Variants in RNF214 observed in about 807,000 individuals in gnomAD.
RNF214 encodes the protein ring finger protein 214.
In RNF214, 25 loss-of-function variants were observed where a neutral mutation model predicts 75.9. That is an observed-to-expected ratio of 0.33 (90% CI 0.24 to 0.46). The LOEUF is 0.46. RNF214 is among the 20% of genes least tolerant of loss of function. The pLI, the probability that RNF214 is intolerant of heterozygous loss-of-function variation, is 1.00. For synonymous variants in RNF214, 314 were observed against 308.8 expected (o/e 1.02, Z -0.18); for missense variants, 725 against 857.5 (o/e 0.85, Z 1.93).
In RNF214 at chr11:117,281,879, T is replaced by C; in HGVS notation, c.1336-15T>C. The C allele has an allele frequency of 6.2e-7, 1 of 1,610,292 alleles. No individual in the cohort carries two copies. Among genetic ancestry groups the C allele is most frequent in the Non-Finnish European group, 8.5e-7 (1 of 1,177,548 alleles). On this transcript the variant is annotated splice_polypyrimidine_tract_variant and intron_variant, in intron 10 of 14. Coordinates refer to ENST00000300650, the MANE Select transcript of RNF214 (RefSeq NM_207343.4). ...CTTCCTTTCTCTCTCGTCCTCTACC[T>C]CTTCTCCTCTGCAGACAGACTTCAT...
intron 6 of RNF214, among the ~76,000 whole-genome samples, chr11:117,258,975 G>A (rs576333715): frequency 6.6e-6 from 1 of 152,102 alleles, no homozygotes; most frequent in Admixed American, 6.5e-5. Flanking sequence ...ATTTATTTTT[G>A]AGAATGAGTT....
intron 6 of RNF214, among the ~76,000 whole-genome samples, chr11:117,274,353 CTTCT>C (rs1291441814): frequency 1.1e-5 from 1 of 89,574 alleles, no homozygotes; most frequent in Non-Finnish European, 2.0e-5. Context: ...AAACAAATGA[CTTCT>C]TTTTTTTTTT....
intron 6 of RNF214, among the ~76,000 whole-genome samples, chr11:117,251,020 A>G (rs1484532673): frequency 6.7e-6 from 1 of 148,790 alleles, no homozygotes; most frequent in Non-Finnish European, 1.5e-5. Flanking sequence ...ACCTCTTTCT[A>G]CACAGACACG....
At chr11:117,281,239 G>T in intron 8 of RNF214, 75 bp from the exon 9 acceptor site, 1 of 1,025,640 alleles carries the variant, frequency 9.8e-7, no homozygotes, top group South Asian at 1.3e-5. Flanking sequence ...CTCTTGTGCT[G>T]GGATTACAGG....
intron 4 of RNF214, 64 bp from the exon 5 acceptor site, chr11:117,244,381 G>C: frequency 1.4e-6 from 2 of 1,402,024 alleles, no homozygotes; most frequent in Non-Finnish European, 2.0e-6. Flanking sequence ...CCTTGGACAG[G>C]CACTGGTGAA....
At chr11:117,262,046 G>GTT (rs543215677) in intron 6 of RNF214, among the ~76,000 whole-genome samples, 1 of 138,422 alleles carries the variant, frequency 7.2e-6, no homozygotes, top group Non-Finnish European at 1.6e-5. Context: ...ATTTGTGTCT[G>GTT]TTTTTTTTTT....
intron 1 of RNF214, among the ~76,000 whole-genome samples, chr11:117,233,368 T>G (rs974227740): frequency 6.6e-6 from 1 of 152,158 alleles, no homozygotes; most frequent in African/African-American, 2.4e-5. Flanking sequence ...GGGCTGTGAC[T>G]GAGGTGTTGA....
intron 6 of RNF214, among the ~76,000 whole-genome samples, chr11:117,262,916 C>T (rs2033700643): frequency 6.6e-6 from 1 of 152,054 alleles, no homozygotes; most frequent in Non-Finnish European, 1.5e-5. Flanking sequence ...ACACAATTCT[C>T]CCACCTCAGC....
chr11:117,252,810 T>A (rs1039746265), intron 6 of RNF214, among the ~76,000 whole-genome samples: 2 of 152,156 alleles, frequency 1.3e-5, no homozygotes, highest in Non-Finnish European at 2.9e-5. Context: ...ATGAGCCGCC[T>A]CACCTGGCCT....
chr11:117,260,096 C>T (rs777362330), intron 6 of RNF214, among the ~76,000 whole-genome samples: 1 of 151,496 alleles, frequency 6.6e-6, no homozygotes, highest in Non-Finnish European at 1.5e-5. Flanking sequence ...TTTTTCTCCC[C>T]CTGGGAGGCA....
Position 117,282,768 on chromosome 11 carries a change from T to C in RNF214, c.1868T>C (p.Leu623Ser), listed in dbSNP as rs377098061. 5 of 1,614,066 alleles carry C rather than the reference T, an allele frequency of 3.1e-6. No homozygotes were observed. The highest frequency in any genetic ancestry group is 2.7e-5 in the African/African-American group (2 of 74,926). Reference sequence around the variant, plus strand: ...CAGCCACTTGGTCGCATCCGGGCCTTGTTCCCTGCTCCACTGGCCCAAATC... The same window carrying C: ...CAGCCACTTGGTCGCATCCGGGCCTCGTTCCCTGCTCCACTGGCCCAAATC... ...STQPLGRIRA[L>S]FPAPLAQIST... Residue 623 changes from leucine to serine, a missense_variant, in exon 13 of 15, where the codon TTG becomes TCG. By Grantham distance (145) the Leu-to-Ser change is moderately radical. Transcript: ENST00000300650.
At chr11:117,260,534 A>G (rs2033632454) in intron 6 of RNF214, among the ~76,000 whole-genome samples, 1 of 152,024 alleles carries the variant, frequency 6.6e-6, no homozygotes, top group Non-Finnish European at 1.5e-5. Flanking sequence ...TCTGCTGGGC[A>G]TGGTGGCTCA....
Position 117,246,869 on chromosome 11 carries a change from G to C in RNF214, c.880G>C (p.Glu294Gln), listed in dbSNP as rs369348836. Reference protein sequence around the residue: ...IKREETKKKIEKEKKEFLQKE... With the variant: ...IKREETKKKIQKEKKEFLQKE... ...GCGGGAAGAAACAAAGAAGAAGATA[G>C]AGAAAGAGAAGAAGGAGTTTTTGCA... Residue 294 changes from glutamate to glutamine, a missense_variant, in exon 6 of 15, where the codon GAG (glutamate) becomes CAG (glutamine). Coordinates refer to ENST00000300650, the MANE Select transcript of RNF214 (RefSeq NM_207343.4). 2.4e-5 allele frequency: 38 copies of C among 1,613,168 alleles called. No individual in the cohort carries two copies. The highest frequency in any genetic ancestry group is 3.1e-5 in the Non-Finnish European group (36 of 1,179,636).
chr11:117,262,026 A>T (rs186517712), intron 6 of RNF214, among the ~76,000 whole-genome samples: 1 of 147,202 alleles, frequency 6.8e-6, no homozygotes, highest in African/African-American at 2.5e-5. Context: ...TTGTTTTTAT[A>T]TGTTGCCAAA....
At chr11:117,272,009 T>G (rs572298204) in intron 6 of RNF214, among the ~76,000 whole-genome samples, 1 of 152,290 alleles carries the variant, frequency 6.6e-6, no homozygotes, top group East Asian at 1.9e-4. Flanking sequence ...GGCGAGGGTC[T>G]TGCCATGTTG....
chr11:117,264,189 GGC>G (rs1479523731), intron 6 of RNF214, among the ~76,000 whole-genome samples: 1 of 152,178 alleles, frequency 6.6e-6, no homozygotes, highest in Non-Finnish European at 1.5e-5. Flanking sequence ...CGGTCGTGGT[GGC>G]GGGCGCCTGT....
At chr11:117,233,071 C>G (rs2032763280) in intron 1 of RNF214, among the ~76,000 whole-genome samples, 1 of 152,180 alleles carries the variant, frequency 6.6e-6, no homozygotes, top group African/African-American at 2.4e-5. Context: ...GGACCCGTGG[C>G]TCCGGCGCCC....
chr11:117,235,257 C>G (rs552038187), intron 2 of RNF214, among the ~76,000 whole-genome samples: 1 of 151,992 alleles, frequency 6.6e-6, no homozygotes, highest in Non-Finnish European at 1.5e-5. Flanking sequence ...AGTGCAGTGG[C>G]GCGATCTCGG....
chr11:117,244,329 G>A, intron 4 of RNF214, 116 bp from the exon 5 acceptor site: 2 of 756,230 alleles, frequency 2.6e-6, no homozygotes, highest in Middle Eastern at 2.9e-4. Context: ...TAGTAGAGTA[G>A]CTTCATTATT....
Sources: gnomAD v4.1 joint callset for allele counts (sites outside exome capture counted in the v4.1 genomes callset) on GRCh38, gnomAD v4.1.1 for gene constraint, MANE v1.5 for transcripts, NCBI Gene and HGNC (gene_info 2026-07-23, HGNC 2026-07-21) for gene names.